Variants in PLEKHA2 observed in about 807,000 individuals in gnomAD.
PLEKHA2 encodes the protein pleckstrin homology domain-containing family A member 2.
In PLEKHA2, 28 loss-of-function variants were observed where a neutral mutation model predicts 53.2. The ratio of observed to expected loss-of-function variants is 0.53; its 90% CI spans 0.39 to 0.72. The LOEUF (loss-of-function observed/expected upper bound fraction) is 0.72. Among genes scored for constraint, PLEKHA2 ranks in the 30% least tolerant of loss-of-function variants. The pLI is 0.00. For missense variants in PLEKHA2, 426 were observed against 537.9 expected (o/e 0.79, Z 2.06); for synonymous variants, 193 against 196.4 (o/e 0.98, Z 0.14).
At chr8:38,943,921 T>G (rs997780555) in intron 4 of PLEKHA2, 84 bp downstream of exon 4, 39 of 1,159,926 alleles carry the variant, frequency 3.4e-5, no homozygotes, top group Admixed American at 1.2e-4. Context: ...TGTGATCACA[T>G]GTGACTATAC....
At chr8:38,959,505 T>A (rs11987820) in intron 10 of PLEKHA2, among the ~76,000 whole-genome samples, 34,942 of 152,134 alleles carry the variant, frequency 0.23, 4,766 homozygotes, top group African/African-American at 0.38. Context: ...TTAACTTCAG[T>A]GCCTGTTTTC....
At chr8:38,938,913 T>TG (rs1834547588) in intron 3 of PLEKHA2, among the ~76,000 whole-genome samples, 1 of 151,546 alleles carries the variant, frequency 6.6e-6, no homozygotes, top group African/African-American at 2.4e-5. Flanking sequence ...TTTTTTTTTT[T>TG]TTAAATTTGA....
intron 5 of PLEKHA2, among the ~76,000 whole-genome samples, chr8:38,947,841 C>A (rs1564140565): frequency 1.3e-5 from 2 of 152,138 alleles, no homozygotes; most frequent in Non-Finnish European, 1.5e-5. Context: ...GTAATCCCAG[C>A]ACTTTGGGAG....
At chr8:38,930,181 C>CCTAT (rs1345387979) in intron 2 of PLEKHA2, among the ~76,000 whole-genome samples, 57 of 144,558 alleles carry the variant, frequency 3.9e-4, no homozygotes, top group African/African-American at 1.3e-3. Flanking sequence ...CATAAAACCA[C>CCTAT]CTATCTTTAT....
In PLEKHA2 at chr8:38,952,252, C is replaced by T. The variant is rs747471166; in HGVS notation, c.573C>T (p.Cys191=). 8.1e-6 allele frequency: 13 copies of T among 1,612,502 alleles called. No homozygotes were observed. In the African/African-American group the frequency reaches 1.6e-4, roughly 20 times the overall value. ...AGAGTTACATCCCCACGTCAGGCTGCCGTGCTTCCACTGGGCCTCCCCTCA... is the reference window on the plus strand; with the variant it reads ...AGAGTTACATCCCCACGTCAGGCTGTCGTGCTTCCACTGGGCCTCCCCTCA... The part of the protein sequence containing the change: ...RSQSYIPTSG[C]RASTGPPLIK... The change falls in exon 7 of 12, where the codon TGC becomes TGT. Residue 191 remains cysteine (C), a synonymous_variant. Transcript: ENST00000617275.
chr8:38,925,681 G>A (rs909274673), intron 2 of PLEKHA2, among the ~76,000 whole-genome samples: 1 of 152,168 alleles, frequency 6.6e-6, no homozygotes, highest in Non-Finnish European at 1.5e-5. Flanking sequence ...CCATTGATGG[G>A]GTGAAGAGCG....
At chr8:38,918,414 T>TAA (rs2152367728) in intron 2 of PLEKHA2, among the ~76,000 whole-genome samples, 1 of 131,706 alleles carries the variant, frequency 7.6e-6, no homozygotes, top group African/African-American at 2.9e-5. Context: ...CACAGACACA[T>TAA]ACACACACCA....
rs116447006 is a variant in PLEKHA2, at chr8:38,929,299, C to A, written c.142-6695C>A. 2.3e-3 allele frequency among the ~76,000 whole-genome samples: 343 copies of A among 152,334 alleles called. 2 individuals carry two copies. The highest frequency in any genetic ancestry group is 7.9e-3 in the African/African-American group (330 of 41,564). ...CTCTCCTTCCTTCCCCCTTTCTGCT[C>A]TGAATCTCTGGTCTATTGGAGTTTG... On this transcript the variant is annotated intron_variant, in intron 2 of 11. Transcript: ENST00000617275.
chr8:38,918,688 C>T (rs1834124959), intron 2 of PLEKHA2, among the ~76,000 whole-genome samples: 3 of 148,898 alleles, frequency 2.0e-5, no homozygotes, highest in South Asian at 2.2e-4. Context: ...CCCCCACGCA[C>T]ACCACACACA....
At chr8:38,911,542 A>G (rs921857289) in intron 1 of PLEKHA2, among the ~76,000 whole-genome samples, 1 of 152,126 alleles carries the variant, frequency 6.6e-6, no homozygotes, top group African/African-American at 2.4e-5. Flanking sequence ...AGGCCCCAGC[A>G]TGAACGCTTT....
At chr8:38,965,184 A>C (rs1303483715) in intron 10 of PLEKHA2, among the ~76,000 whole-genome samples, 2 of 152,202 alleles carry the variant, frequency 1.3e-5, no homozygotes, top group Non-Finnish European at 2.9e-5. Flanking sequence ...CATCTAAATC[A>C]GGATAGTCCT....
At position 38,950,995 on chromosome 8, in the gene PLEKHA2, G is replaced by A. The variant is rs766616233; in HGVS notation, c.486+5G>A. 1 of 1,613,304 alleles carries A rather than the reference G, an allele frequency of 6.2e-7. No individual in the cohort carries two copies. Among genetic ancestry groups the A allele is most frequent in the Non-Finnish European group, 8.5e-7 (1 of 1,179,564 alleles). ...GTCCACACACCCATCAGCCAGGTGA[G>A]GGGCCTGACTGGGGCTGCGGGGGGA... On this transcript the variant is annotated splice_donor_5th_base_variant and intron_variant, in intron 6 of 11. Transcript: ENST00000617275.
At chr8:38,963,380 G>T (rs1376106465) in intron 10 of PLEKHA2, among the ~76,000 whole-genome samples, 1 of 152,184 alleles carries the variant, frequency 6.6e-6, no homozygotes, top group Admixed American at 6.5e-5. Context: ...TTCATCATGG[G>T]TGGGTAGACT....
chr8:38,954,874 A>G (rs1834909838), intron 9 of PLEKHA2, among the ~76,000 whole-genome samples: 1 of 152,034 alleles, frequency 6.6e-6, no homozygotes. Flanking sequence ...CTTTACTAAA[A>G]ATACAAAAAA....
chr8:38,967,460 A>T (rs930301561), intron 10 of PLEKHA2, among the ~76,000 whole-genome samples: 1 of 152,124 alleles, frequency 6.6e-6, no homozygotes, highest in African/African-American at 2.4e-5. Flanking sequence ...ACTAATTTAC[A>T]TGCCTTTCAG....
At position 38,922,077 on chromosome 8, in the gene PLEKHA2, T is replaced by C. The variant is rs182340639; in HGVS notation, c.141+4007T>C. 1.1e-4 allele frequency among the ~76,000 whole-genome samples: 16 copies of C among 152,270 alleles called. No homozygotes were observed. The East Asian group carries it at 3.1e-3, about 29-fold the overall frequency. Reference sequence around the variant, plus strand: ...GTGGGTGAGGCTGACAGGGGAAGAATTTGCCCGTGGTTACATAATAAAAAA... The same window carrying C: ...GTGGGTGAGGCTGACAGGGGAAGAACTTGCCCGTGGTTACATAATAAAAAA... On this transcript the variant is annotated intron_variant, in intron 2 of 11. Coordinates refer to ENST00000617275, the MANE Select transcript of PLEKHA2 (RefSeq NM_021623.2). The surrounding 1 kb of genome is among the most constrained non-coding windows in gnomAD (Gnocchi z 4.0).
At chr8:38,910,500 T>C (rs1833939772) in intron 1 of PLEKHA2, among the ~76,000 whole-genome samples, 1 of 152,220 alleles carries the variant, frequency 6.6e-6, no homozygotes, top group African/African-American at 2.4e-5. Flanking sequence ...CCTCACTAGA[T>C]GTCATTATGT....
At chr8:38,915,009 C>T (rs1305638621) in intron 1 of PLEKHA2, among the ~76,000 whole-genome samples, 1 of 152,060 alleles carries the variant, frequency 6.6e-6, no homozygotes, top group Non-Finnish European at 1.5e-5. Context: ...TGGAGTGGTG[C>T]TCTCATGGTT....
intron 3 of PLEKHA2, among the ~76,000 whole-genome samples, chr8:38,941,344 C>T (rs1412605284): frequency 1.3e-5 from 2 of 152,242 alleles, no homozygotes; most frequent in Non-Finnish European, 2.9e-5. Context: ...GCGTGAGCCA[C>T]TGTGCCCGGC....
Sources: allele counts gnomAD v4.1 joint callset (sites outside exome capture counted in the v4.1 genomes callset), GRCh38; gene constraint gnomAD v4.1.1; non-coding constraint Gnocchi (gnomAD v3.1); transcripts MANE v1.5; gene names NCBI Gene and HGNC (gene_info 2026-07-23, HGNC 2026-07-21).